LRP5: variants seen among roughly 807,000 people sequenced by gnomAD.
The protein encoded by LRP5 is LDL receptor related protein 5.
A neutral mutation model predicts 154.1 loss-of-function variants in LRP5; 62 were observed. The ratio of observed to expected loss-of-function variants is 0.40; its 90% CI spans 0.33 to 0.50. The LOEUF (loss-of-function observed/expected upper bound fraction) is 0.50. LRP5 is among the 20% of genes least tolerant of loss of function. LRP5 has a pLI of 0.55. For missense variants in LRP5, 1,915 were observed against 2,336.7 expected (o/e 0.82, Z 3.72); for synonymous variants, 966 against 1,011.5 (o/e 0.96, Z 0.85).
intron 7 of LRP5, among the ~76,000 whole-genome samples, chr11:68,402,997 G>A (rs1337120434): frequency 6.6e-6 from 1 of 152,212 alleles, no homozygotes; most frequent in Non-Finnish European, 1.5e-5. Context: ...TGGAATCCCA[G>A]CACTTTGGGA....
rs189095829 is a variant in LRP5 at position 68,416,382 on chromosome 11, C to A, written c.2882C>A (p.Pro961Gln). 1 of 1,614,172 alleles carries A rather than the reference C, an allele frequency of 6.2e-7. No homozygotes were observed. ...SQKSAISRMI[P>Q]DDQHSPDLIL... ...AAATCTGCCATCAGTCGGATGATCCCGGACGACCAGCACAGCCCGGATCTC... is the reference window on the plus strand; with the variant it reads ...AAATCTGCCATCAGTCGGATGATCCAGGACGACCAGCACAGCCCGGATCTC... Residue 961 changes from proline (P) to glutamine (Q), a missense_variant, in exon 13 of 23, where the codon CCG becomes CAG. Physicochemically the swap from Pro to Gln is moderately conservative, Grantham distance 76. Coordinates refer to ENST00000294304, the MANE Select transcript of LRP5 (RefSeq NM_002335.4).
At chr11:68,321,826 G>A (rs574408970) in intron 1 of LRP5, among the ~76,000 whole-genome samples, 26 of 152,276 alleles carry the variant, frequency 1.7e-4, no homozygotes, top group South Asian at 1.0e-3. Flanking sequence ...ATGGGGAGGC[G>A]GTACCTGCCT....
In LRP5 at chr11:68,365,636, C is replaced by G. The variant is rs2098630580; in HGVS notation, c.949C>G (p.Pro317Ala). 1 of 1,613,192 alleles carries G rather than the reference C, an allele frequency of 6.2e-7. No homozygotes were observed. Among genetic ancestry groups the G allele is most frequent in the Non-Finnish European group, 8.5e-7 (1 of 1,179,772 alleles). Reference sequence around the variant, plus strand: ...CCTGTGCCTGCTGTCCCCAAGCGAGCCTTTCTACACATGCGCCTGCCCCAC... The same window carrying G: ...CCTGTGCCTGCTGTCCCCAAGCGAGGCTTTCTACACATGCGCCTGCCCCAC... Reference protein sequence around the residue: ...SHLCLLSPSEPFYTCACPTGV... With the variant: ...SHLCLLSPSEAFYTCACPTGV... The change falls in exon 5 of 23, where the codon CCT becomes GCT. Residue 317 changes from proline to alanine, a missense_variant. By Grantham distance (27) the Pro-to-Ala change is conservative (BLOSUM62 -1). Coordinates refer to ENST00000294304, the MANE Select transcript of LRP5 (RefSeq NM_002335.4).
rs2098643084 is a variant in LRP5 at position 68,386,452 on chromosome 11, G to A, written c.1152G>A (p.Glu384=). 1 of 1,614,132 alleles carries A rather than the reference G, an allele frequency of 6.2e-7. No homozygotes were observed. Among genetic ancestry groups the A allele is most frequent in the East Asian group, 2.2e-5 (1 of 44,880 alleles). ...TTGCCATCGACTACGACCCGCTAGA[G>A]GGCTATGTCTACTGGACAGATGACG... The part of the protein sequence containing the change: ...HAIAIDYDPL[E]GYVYWTDDEV... The change falls in exon 6 of 23, where the codon GAG becomes GAA. Residue 384 remains glutamate (E), a synonymous_variant. Coordinates refer to ENST00000294304, the MANE Select transcript of LRP5 (RefSeq NM_002335.4). This position sits in a 1 kb window ranked among gnomAD's most constrained non-coding sequence, Gnocchi z 7.9.
intron 20 of LRP5, 66 bp downstream of exon 20, chr11:68,438,748 G>A (rs1226824160): frequency 4.9e-6 from 7 of 1,441,350 alleles, no homozygotes; most frequent in Admixed American, 1.7e-5. Context: ...GCTTTGGGGA[G>A]TGGAGCAGGG....
At chr11:68,381,836 C>A (rs981559402) in intron 5 of LRP5, among the ~76,000 whole-genome samples, 46 of 152,246 alleles carry the variant, frequency 3.0e-4, no homozygotes, top group Admixed American at 1.2e-3. Context: ...GGCCTGCTTC[C>A]CCGTGGCCAT....
At chr11:68,323,884 C>T (rs2098598166) in intron 1 of LRP5, among the ~76,000 whole-genome samples, 1 of 152,236 alleles carries the variant, frequency 6.6e-6, no homozygotes, top group African/African-American at 2.4e-5. Context: ...AGGGAGTTTG[C>T]TGCAGTGCCG....
chr11:68,313,793 GA>G (rs1251620335), intron 1 of LRP5, among the ~76,000 whole-genome samples: 1 of 152,240 alleles, frequency 6.6e-6, no homozygotes, highest in Admixed American at 6.5e-5. Flanking sequence ...GTTTAGCGGG[GA>G]GGACCTCGGG....
chr11:68,437,026 G>C, intron 19 of LRP5, 27 bp downstream of exon 19: 1 of 1,592,814 alleles, frequency 6.3e-7, no homozygotes, highest in Non-Finnish European at 8.6e-7. Flanking sequence ...CACGGGGAAG[G>C]GGCGTCCGGG....
At chr11:68,358,403 G>A (rs551762611) in intron 3 of LRP5, among the ~76,000 whole-genome samples, 3 of 152,274 alleles carry the variant, frequency 2.0e-5, no homozygotes, top group East Asian at 1.9e-4. Context: ...GTGAGCCACC[G>A]CACCCGGCCC....
intron 1 of LRP5, among the ~76,000 whole-genome samples, chr11:68,322,127 G>C (rs1291386447): frequency 6.6e-6 from 1 of 152,176 alleles, no homozygotes; most frequent in African/African-American, 2.4e-5. Context: ...GTCTGGATCC[G>C]GGCGTGGCCG....
chr11:68,322,428 C>T (rs2098597252), intron 1 of LRP5, among the ~76,000 whole-genome samples: 1 of 152,260 alleles, frequency 6.6e-6, no homozygotes, highest in Non-Finnish European at 1.5e-5. Flanking sequence ...AAGTAGTTTT[C>T]ATCACATCCT....
At chr11:68,425,417 C>A in intron 15 of LRP5, 125 bp downstream of exon 15, 1 of 1,004,348 alleles carries the variant, frequency 1.0e-6, no homozygotes, top group Non-Finnish European at 1.5e-6. Flanking sequence ...TTGTGTGTAG[C>A]GTGTTTTGTC....
chr11:68,445,514 G>T, intron 21 of LRP5: 1 of 979,660 alleles, frequency 1.0e-6, no homozygotes, highest in Non-Finnish European at 1.4e-6. Flanking sequence ...ACCCTAGGGG[G>T]CCTGAGAGAA....
intron 7 of LRP5, among the ~76,000 whole-genome samples, chr11:68,394,386 G>T (rs554185227): frequency 7.9e-5 from 12 of 151,732 alleles, no homozygotes; most frequent in Non-Finnish European, 1.0e-4. Context: ...GAACAGGGGG[G>T]TCGCAGGAGC....
At position 68,386,840 on chromosome 11, in the gene LRP5, C is replaced by T; in HGVS notation, c.1412+128C>T. On this transcript the variant is annotated intron_variant, in intron 6 of 22. Transcript: ENST00000294304. This position sits in a 1 kb window ranked among gnomAD's most constrained non-coding sequence, Gnocchi z 7.9. ...GAACCCGGAGGAGGGCTTGTTAAAA[C>T]ACCGGCAGCTGGGCCCCACCCCCAG... is the stretch of plus-strand genomic sequence containing the variant. 8.8e-7 allele frequency: 1 copy of T among 1,135,646 alleles called. No individual in the cohort carries two copies. Among genetic ancestry groups the T allele is most frequent in the East Asian group, 2.6e-5 (1 of 38,802 alleles). 70.3% of individuals were successfully genotyped at this position (1,135,646 alleles called of 1,614,324 possible). A position where few individuals can be genotyped will look rare whatever the true frequency, so the allele number is the denominator to read the frequency against.
chr11:68,338,278 A>C (rs1161547534), intron 1 of LRP5, among the ~76,000 whole-genome samples: 2 of 152,220 alleles, frequency 1.3e-5, no homozygotes, highest in Admixed American at 6.5e-5. Context: ...ATAGTAGCAA[A>C]GGATTGGGTT....
At chr11:68,349,515 A>G (rs2098616512) in intron 2 of LRP5, among the ~76,000 whole-genome samples, 2 of 152,258 alleles carry the variant, frequency 1.3e-5, no homozygotes, top group South Asian at 4.2e-4. Context: ...GAAAAAGTGC[A>G]GCTCCTTGTC....
intron 5 of LRP5, among the ~76,000 whole-genome samples, chr11:68,378,418 G>A (rs1170636976): frequency 6.6e-6 from 1 of 151,898 alleles, no homozygotes; most frequent in African/African-American, 2.4e-5. Context: ...GACACCGAAT[G>A]AGCCGTCGGT....
Sources: gnomAD v4.1 joint callset for allele counts (sites outside exome capture counted in the v4.1 genomes callset) on GRCh38, gnomAD v4.1.1 for gene constraint, Gnocchi (gnomAD v3.1) non-coding constraint, MANE v1.5 for transcripts, NCBI Gene and HGNC (gene_info 2026-07-23, HGNC 2026-07-21) for gene names.